The following MPP7 variants were observed in gnomAD, a reference collection of about 807,000 sequenced individuals.
MPP7 encodes MAGUK p55 subfamily member 7.
In MPP7, 60 loss-of-function variants were observed where a neutral mutation model predicts 76.5. That is an observed-to-expected ratio of 0.78 (90% confidence interval 0.64 to 0.97). The LOEUF (loss-of-function observed/expected upper bound fraction) is 0.97, where lower values mean the gene tolerates loss of function less well. Among genes scored for constraint, MPP7 ranks in the 50% least tolerant of loss-of-function variants. The probability of loss-of-function intolerance (pLI) is 0.00; values close to 1 mark genes in which losing one functional copy is unlikely to be tolerated. For synonymous variants in MPP7, 237 were observed against 244.5 expected (o/e 0.97, Z 0.29); for missense variants, 641 against 694.0 (o/e 0.92, Z 0.86).
In MPP7 at chr10:28,197,180, C is replaced by T. The variant is rs189354192; in HGVS notation, c.156+4973G>A. Reference sequence around the variant, plus strand: ...CCATAAACTCTAACCTGAGCAACTTCCTTTTTTTTTTTTTTTTTTTGAGAT... The same window carrying T: ...CCATAAACTCTAACCTGAGCAACTTTCTTTTTTTTTTTTTTTTTTTGAGAT... On this transcript the variant is annotated intron_variant, in intron 3 of 16. Transcript: ENST00000683449. Among the ~76,000 whole-genome samples, 330 of 129,816 alleles carry T rather than the reference C, an allele frequency of 2.5e-3. 2 individuals are homozygous for T. Among genetic ancestry groups the T allele is most frequent in the Middle Eastern group, 3.8e-3 (1 of 266 alleles). 85.2% of individuals were successfully genotyped at this position (129,816 alleles called of 152,430 possible).
chr10:28,315,287 G>A (rs1379473056), intron 2 of MPP7, among the ~76,000 whole-genome samples: 1 of 146,940 alleles, frequency 6.8e-6, no homozygotes, highest in Non-Finnish European at 1.5e-5. Context: ...GGAGGGGGGA[G>A]GGAGAGAGGG....
chr10:28,141,149 C>G (rs1467020378), intron 5 of MPP7, among the ~76,000 whole-genome samples: 1 of 151,960 alleles, frequency 6.6e-6, no homozygotes, highest in African/African-American at 2.4e-5. Context: ...TCTATGATCA[C>G]TTTGATAAGT....
chr10:28,251,478 A>G (rs1182018006), intron 1 of MPP7, among the ~76,000 whole-genome samples: 1 of 152,208 alleles, frequency 6.6e-6, no homozygotes, highest in Non-Finnish European at 1.5e-5. Context: ...AAATTAAAAA[A>G]ATAAAATAAA....
In MPP7 at chr10:28,231,832, C is replaced by A. The variant is rs189971166; in HGVS notation, c.37+6736G>T. 1.2e-4 allele frequency among the ~76,000 whole-genome samples: 18 copies of A among 152,256 alleles called. No homozygotes were observed. The East Asian group carries it at 2.1e-3, about 18-fold the overall frequency. The stretch of plus-strand genomic sequence containing the variant: ...AGTTAATATCAATCTTTCACAGACT[C>A]TTCCACAGAAGAGGAAAGGCTCCTC... On this transcript the variant is annotated intron_variant, in intron 2 of 16. Coordinates refer to ENST00000683449, the MANE Select transcript of MPP7 (RefSeq NM_001318170.2).
chr10:28,078,217 T>A (rs1257082562), intron 12 of MPP7, among the ~76,000 whole-genome samples: 1 of 152,164 alleles, frequency 6.6e-6, no homozygotes, highest in Non-Finnish European at 1.5e-5. Context: ...GACTCTCTCA[T>A]CCCCAGTCCA....
chr10:28,281,450 T>C (rs1240239959), intron 1 of MPP7, among the ~76,000 whole-genome samples: 1 of 151,970 alleles, frequency 6.6e-6, no homozygotes, highest in Non-Finnish European at 1.5e-5. Flanking sequence ...CACAATGAAG[T>C]GGTAATGAGT....
chr10:28,313,064 A>G (rs2607540), intron 2 of MPP7, among the ~76,000 whole-genome samples: 78,322 of 152,010 alleles, frequency 0.52, 20,340 homozygotes, highest in South Asian at 0.66. Flanking sequence ...GGACTCTTTC[A>G]CTTAATTGTG....
Position 28,224,604 on chromosome 10 carries a change from A to T in MPP7, c.37+13964T>A, listed in dbSNP as rs1181207294. 6.6e-5 allele frequency among the ~76,000 whole-genome samples: 10 copies of T among 152,208 alleles called. No individual in the cohort carries two copies. The East Asian group carries it at 1.9e-3, about 29-fold the overall frequency. On this transcript the variant is annotated intron_variant, in intron 2 of 16. Coordinates refer to ENST00000683449, the MANE Select transcript of MPP7 (RefSeq NM_001318170.2). ...TAATTTGCTTCCCTTTTCTGGATAA[A>T]GTTCTGATCATTTTTGCTACTATTT...
rs1485698534 is a variant in MPP7 at position 28,143,865 on chromosome 10, G to C, written c.315+3618C>G. Among the ~76,000 whole-genome samples, 25 of 106,510 alleles carry C rather than the reference G, an allele frequency of 2.3e-4. 1 individual carries two copies. The highest frequency in any genetic ancestry group is 4.5e-3 in the Middle Eastern group (1 of 224). 69.9% of individuals were successfully genotyped at this position (106,510 alleles called of 152,430 possible). A position where few individuals can be genotyped will look rare whatever the true frequency, so the allele number is the denominator to read the frequency against. ...GACCTCAATCGTGTGCTGTGTGTGT[G>C]TGTGTGTGTGTGTGTGTGTGTGTGT... On this transcript the variant is annotated intron_variant, in intron 5 of 16. Transcript: ENST00000683449.
At chr10:28,252,631 G>C (rs867757355) in intron 1 of MPP7, among the ~76,000 whole-genome samples, 20 of 152,164 alleles carry the variant, frequency 1.3e-4, no homozygotes, top group Non-Finnish European at 1.2e-4. Context: ...AAGGCAAGAA[G>C]TACACCTGTA....
chr10:28,249,151 ATTAT>A (rs1334517207), intron 1 of MPP7, among the ~76,000 whole-genome samples: 3 of 151,656 alleles, frequency 2.0e-5, no homozygotes, highest in Non-Finnish European at 4.4e-5. Flanking sequence ...TTTTATATAT[ATTAT>A]TTATTTTGTG....
intron 1 of MPP7, among the ~76,000 whole-genome samples, chr10:28,262,212 T>TATATATATAC (rs1839987595): frequency 1.7e-5 from 1 of 57,544 alleles, no homozygotes; most frequent in African/African-American, 8.5e-5. Context: ...TATATACATA[T>TATATATATAC]ATATATATAT....
At chr10:28,141,759 A>G (rs1441654049) in intron 5 of MPP7, among the ~76,000 whole-genome samples, 2 of 151,956 alleles carry the variant, frequency 1.3e-5, no homozygotes, top group African/African-American at 4.8e-5. Flanking sequence ...TTGCATCCCA[A>G]TGGTTTTTTT....
intron 12 of MPP7, among the ~76,000 whole-genome samples, chr10:28,080,956 C>T (rs1852732318): frequency 6.6e-6 from 1 of 152,146 alleles, no homozygotes; most frequent in African/African-American, 2.4e-5. Flanking sequence ...ACTTACTTTG[C>T]ACTCTGCTTT....
chr10:28,077,713 A>T (rs1852562725), intron 12 of MPP7, among the ~76,000 whole-genome samples: 1 of 152,222 alleles, frequency 6.6e-6, no homozygotes, highest in African/African-American at 2.4e-5. Flanking sequence ...CGATAAAGAA[A>T]TTTTTATCAC....
intron 1 of MPP7, among the ~76,000 whole-genome samples, chr10:28,301,042 A>C (rs954370089): frequency 4.6e-5 from 7 of 152,184 alleles, no homozygotes; most frequent in Non-Finnish European, 1.0e-4. Context: ...ACGATTCTCT[A>C]GAATTCCCTA....
chr10:28,325,959 G>C (rs1181623605), intron 2 of MPP7, among the ~76,000 whole-genome samples: 1 of 134,944 alleles, frequency 7.4e-6, no homozygotes, highest in Non-Finnish European at 1.5e-5. Context: ...CAGGGTGACA[G>C]AGTGAGACCT....
chr10:28,114,873 G>C (rs41366146), intron 11 of MPP7, among the ~76,000 whole-genome samples: 2,561 of 152,220 alleles, frequency 0.017, 72 homozygotes, highest in African/African-American at 0.056. Context: ...CAACATCTTG[G>C]GGAATCCCAG....
chr10:28,209,347 T>C (rs1233972511), intron 2 of MPP7, among the ~76,000 whole-genome samples: 1 of 151,862 alleles, frequency 6.6e-6, no homozygotes, highest in East Asian at 1.9e-4. Context: ...TGCACCTCTA[T>C]AGCACCAGCT....
Sources: allele counts gnomAD v4.1 joint callset (sites outside exome capture counted in the v4.1 genomes callset), GRCh38; gene constraint gnomAD v4.1.1; transcripts MANE v1.5; gene names NCBI Gene and HGNC (gene_info 2026-07-23, HGNC 2026-07-21).